The following ATP6V1H variants were observed in gnomAD, a reference collection of about 807,000 sequenced individuals.
ATP6V1H encodes V-type proton ATPase subunit H.
In ATP6V1H, 39 loss-of-function variants were observed where a neutral mutation model predicts 71.7. The ratio of observed to expected loss-of-function variants is 0.54; its 90% CI spans 0.42 to 0.71. ATP6V1H has a LOEUF of 0.71. Ranked by LOEUF, ATP6V1H falls within the 30% of genes least tolerant of loss-of-function variation. ATP6V1H has a pLI of 0.00. For synonymous variants in ATP6V1H, 192 were observed against 199.3 expected (o/e 0.96, Z 0.31); for missense variants, 509 against 594.9 (o/e 0.86, Z 1.50).
chr8:53,775,168 C>G (rs1009302527), intron 9 of ATP6V1H, among the ~76,000 whole-genome samples: 1 of 151,872 alleles, frequency 6.6e-6, no homozygotes, highest in Non-Finnish European at 1.5e-5. Context: ...GTGAGTGTTA[C>G]GGCTCTTAAG....
At chr8:53,841,832 T>C in intron 1 of ATP6V1H, 107 bp from the exon 2 acceptor site, 2 of 1,005,624 alleles carry the variant, frequency 2.0e-6, no homozygotes, top group Non-Finnish European at 2.8e-6. Flanking sequence ...TCCCCAGGCA[T>C]TCAACTCAAA....
At position 53,841,697 on chromosome 8, in the gene ATP6V1H, T is replaced by C. The variant is rs778238133; in HGVS notation, c.-7A>G. On this transcript the variant is annotated 5_prime_UTR_variant, in exon 2 of 14. Coordinates refer to ENST00000359530, the MANE Select transcript of ATP6V1H (RefSeq NM_015941.4). ...GGATATCCATTTTGGTCATCTAAAC[T>C]TCGTAATCTTGAATGTCTTTCAACA... 4 of 1,612,412 alleles carry C rather than the reference T, an allele frequency of 2.5e-6. No individual in the cohort carries two copies. The South Asian group carries it at 4.4e-5, about 18-fold the overall frequency.
At chr8:53,811,041 CT>C (rs1810257188) in intron 7 of ATP6V1H, 122 bp downstream of exon 7, 1 of 669,562 alleles carries the variant, frequency 1.5e-6, no homozygotes, top group Admixed American at 2.5e-5. Context: ...TACAATTAAC[CT>C]AACTGGAGGT....
intron 13 of ATP6V1H, among the ~76,000 whole-genome samples, chr8:53,726,288 T>C (rs1453401780): frequency 2.0e-5 from 3 of 152,198 alleles, no homozygotes; most frequent in Admixed American, 2.0e-4. Flanking sequence ...TTTCTAACAA[T>C]TTTTTCCAAA....
At position 53,814,018 on chromosome 8, in the gene ATP6V1H, G is replaced by C. The variant is rs565490935; in HGVS notation, c.525+644C>G. Among the ~76,000 whole-genome samples the C allele has an allele frequency of 2.6e-5, 4 of 152,270 alleles. No homozygotes were observed. The East Asian group carries it at 7.7e-4, about 29-fold the overall frequency. On this transcript the variant is annotated intron_variant, in intron 6 of 13. Transcript: ENST00000359530. Reference sequence around the variant, plus strand: ...CACGGGAGGGACTTGGCCAGACAAGGACAAGCAGGTTAGCTAATAATGATC... The same window carrying C: ...CACGGGAGGGACTTGGCCAGACAAGCACAAGCAGGTTAGCTAATAATGATC...
At chr8:53,772,786 A>T (rs141501617) in intron 9 of ATP6V1H, among the ~76,000 whole-genome samples, 1 of 152,162 alleles carries the variant, frequency 6.6e-6, no homozygotes, top group Non-Finnish European at 1.5e-5. Flanking sequence ...TCATGGAATT[A>T]AGCAATGTTT....
intron 10 of ATP6V1H, among the ~76,000 whole-genome samples, chr8:53,770,794 C>A (rs529740415): frequency 6.6e-6 from 1 of 152,132 alleles, no homozygotes; most frequent in South Asian, 2.1e-4. Flanking sequence ...TTTGCAAAAA[C>A]AGGCCTTAAA....
chr8:53,820,875 G>C (rs1345012147), intron 4 of ATP6V1H, among the ~76,000 whole-genome samples: 1 of 151,704 alleles, frequency 6.6e-6, no homozygotes, highest in Non-Finnish European at 1.5e-5. Context: ...CCACTACTCA[G>C]GAGGCTGAGG....
intron 7 of ATP6V1H, 32 bp downstream of exon 7, chr8:53,811,132 G>T (rs1810260308): frequency 1.3e-6 from 2 of 1,591,002 alleles, no homozygotes; most frequent in Non-Finnish European, 1.7e-6. Flanking sequence ...TTTATTTTGG[G>T]GATGTTTAGG....
At chr8:53,774,051 A>G (rs534858709) in intron 9 of ATP6V1H, among the ~76,000 whole-genome samples, 1 of 152,304 alleles carries the variant, frequency 6.6e-6, no homozygotes, top group South Asian at 2.1e-4. Context: ...ATGGCCCAAC[A>G]TATGTGCAAT....
rs543347547 is a variant in ATP6V1H, at chr8:53,829,669, T to C, written c.217-136A>G. ...ACAAATTTTACTTACAGAAAACATA[T>C]ACCTTTTATAAATATTGTGATGAAG... is the stretch of plus-strand genomic sequence containing the variant. On this transcript the variant is annotated intron_variant, in intron 3 of 13. Coordinates refer to ENST00000359530, the MANE Select transcript of ATP6V1H (RefSeq NM_015941.4). The C allele has an allele frequency of 1.8e-4, 100 of 558,992 alleles. No individual in the cohort carries two copies. The African/African-American group carries it at 1.9e-3, about 10-fold the overall frequency. The allele number at this position is 558,992 out of a possible 1,614,324, so 34.6% of individuals were successfully genotyped here. A position where few individuals can be genotyped will look rare whatever the true frequency, so the allele number is the denominator to read the frequency against.
At chr8:53,829,643 A>C (rs759633431) in intron 3 of ATP6V1H, 110 bp from the exon 4 acceptor site, 4 of 649,960 alleles carry the variant, frequency 6.2e-6, no homozygotes, top group Non-Finnish European at 1.0e-5. Flanking sequence ...AAATATTACT[A>C]ACAAATTTTA....
At chr8:53,767,115 C>T (rs1167343051) in intron 11 of ATP6V1H, among the ~76,000 whole-genome samples, 1 of 152,156 alleles carries the variant, frequency 6.6e-6, no homozygotes, top group Non-Finnish European at 1.5e-5. Context: ...TGTACTCTGT[C>T]CCTTTATTTC....
chr8:53,757,402 G>A (rs1036647058), intron 11 of ATP6V1H, among the ~76,000 whole-genome samples: 2 of 152,174 alleles, frequency 1.3e-5, no homozygotes, highest in African/African-American at 4.8e-5. Flanking sequence ...AGATGGTGCT[G>A]CTCAGAATCC....
At chr8:53,837,102 T>C (rs981845391) in intron 2 of ATP6V1H, among the ~76,000 whole-genome samples, 6 of 150,986 alleles carry the variant, frequency 4.0e-5, no homozygotes, top group African/African-American at 1.2e-4. Context: ...GAACGCACCA[T>C]TGCACTCCAG....
intron 12 of ATP6V1H, among the ~76,000 whole-genome samples, chr8:53,749,411 A>C (rs1055758858): frequency 5.9e-5 from 9 of 152,196 alleles, no homozygotes; most frequent in African/African-American, 2.2e-4. Flanking sequence ...CACCATCAAA[A>C]TCAAGTAGTT....
chr8:53,736,587 T>C, intron 13 of ATP6V1H, among the ~76,000 whole-genome samples: 1 of 152,242 alleles, frequency 6.6e-6, no homozygotes, highest in East Asian at 1.9e-4. Flanking sequence ...AGAGCTTAAC[T>C]TGCTTGCTGC....
intron 9 of ATP6V1H, among the ~76,000 whole-genome samples, chr8:53,787,658 A>G (rs6992885): frequency 6.6e-6 from 1 of 152,212 alleles, no homozygotes; most frequent in Non-Finnish European, 1.5e-5. Context: ...CAAATGCACA[A>G]CAAACAGATG....
At chr8:53,799,280 T>C (rs1809837770) in intron 8 of ATP6V1H, among the ~76,000 whole-genome samples, 1 of 152,200 alleles carries the variant, frequency 6.6e-6, no homozygotes, top group Non-Finnish European at 1.5e-5. Context: ...ATTCATTGAT[T>C]ATAACCAATT....
Sources: allele counts gnomAD v4.1 joint callset (sites outside exome capture counted in the v4.1 genomes callset), GRCh38; gene constraint gnomAD v4.1.1; transcripts MANE v1.5; gene names NCBI Gene and HGNC (gene_info 2026-07-23, HGNC 2026-07-21).